The following FBXL4 variants were observed in gnomAD, a reference collection of about 807,000 sequenced individuals.
FBXL4 encodes the protein F-box/LRR-repeat protein 4.
In FBXL4, 40 loss-of-function variants were observed where a neutral mutation model predicts 58.9. The ratio of observed to expected loss-of-function variants is 0.68; its 90% CI spans 0.53 to 0.88. The LOEUF (loss-of-function observed/expected upper bound fraction) is 0.88, where lower values mean the gene tolerates loss of function less well. FBXL4 is among the 40% of genes least tolerant of loss of function. The pLI is 0.00. For synonymous variants in FBXL4, 263 were observed against 265.5 expected (o/e 0.99, Z 0.09); for missense variants, 676 against 734.4 (o/e 0.92, Z 0.92).
intron 7 of FBXL4, among the ~76,000 whole-genome samples, chr6:98,892,091 G>C (rs538444888): frequency 6.6e-6 from 1 of 152,292 alleles, no homozygotes; most frequent in South Asian, 2.1e-4. Flanking sequence ...ATATAGCCTA[G>C]AGACACATAC....
At chr6:98,883,540 G>A (rs557239113) in intron 7 of FBXL4, among the ~76,000 whole-genome samples, 5 of 151,636 alleles carry the variant, frequency 3.3e-5, no homozygotes, top group African/African-American at 1.2e-4. Context: ...TTTAAAATCA[G>A]AGTTTTAGAG....
chr6:98,926,661 C>T lies in FBXL4; in HGVS notation c.328G>A (p.Ala110Thr). The T allele has an allele frequency of 6.2e-7, 1 of 1,614,154 alleles. No individual in the cohort carries two copies. The highest frequency in any genetic ancestry group is 8.5e-7 in the Non-Finnish European group (1 of 1,180,020). Residue 110 changes from alanine to threonine, a missense_variant, in exon 4 of 10, where the codon GCT becomes ACT. Ala to Thr is a moderately conservative substitution (Grantham distance 58). Transcript: ENST00000369244. Reference protein sequence around the residue: ...YGTWWDQCPSASLPFKRTPPN... With the variant: ...YGTWWDQCPSTSLPFKRTPPN... ...GGCGTCCTCTTGAATGGCAAGGAAG[C>T]ACTAGGACACTGATCCCACCATGTC...
intron 5 of FBXL4, among the ~76,000 whole-genome samples, chr6:98,909,116 G>A (rs1035359341): frequency 1.3e-5 from 2 of 152,172 alleles, no homozygotes; most frequent in Admixed American, 1.3e-4. Context: ...TCTAGGGCAT[G>A]TTCTAATTTT....
chr6:98,889,257 C>T (rs892905611), intron 7 of FBXL4, among the ~76,000 whole-genome samples: 10 of 152,160 alleles, frequency 6.6e-5, no homozygotes, highest in African/African-American at 2.4e-4. Flanking sequence ...GGAATTAGTC[C>T]ATAAACACCA....
intron 1 of FBXL4, among the ~76,000 whole-genome samples, chr6:98,946,577 C>G (rs997312301): frequency 2.6e-5 from 4 of 152,140 alleles, no homozygotes; most frequent in Admixed American, 2.0e-4. Flanking sequence ...GTACTATAAT[C>G]GCATTATTTC....
intron 5 of FBXL4, among the ~76,000 whole-genome samples, chr6:98,914,469 C>G (rs1772248431): frequency 1.3e-5 from 2 of 152,170 alleles, no homozygotes; most frequent in African/African-American, 4.8e-5. Context: ...GCTTATCCAC[C>G]ATGATCAAGT....
rs957570101 is a variant in FBXL4 at position 98,927,735 on chromosome 6, G to A, written c.-103C>T. The A allele has an allele frequency of 6.6e-5, 10 of 152,208 alleles. No individual in the cohort carries two copies. The highest frequency in any genetic ancestry group is 1.3e-4 in the Non-Finnish European group (9 of 68,038). 9.4% of individuals were successfully genotyped at this position (152,208 alleles called of 1,614,324 possible). A position where few individuals can be genotyped will look rare whatever the true frequency, so the allele number is the denominator to read the frequency against. ...ATAGAATGGTCACAGGATACACATGGGAAATGCAAAAGTTGGCATTCATCC... is the reference window on the plus strand; with the variant it reads ...ATAGAATGGTCACAGGATACACATGAGAAATGCAAAAGTTGGCATTCATCC... On this transcript the variant is annotated 5_prime_UTR_variant, in exon 3 of 10. Transcript: ENST00000369244.
intron 7 of FBXL4, among the ~76,000 whole-genome samples, chr6:98,889,281 A>G (rs1562221587): frequency 6.6e-6 from 1 of 152,330 alleles, no homozygotes; most frequent in East Asian, 1.9e-4. Context: ...TCCAATGATT[A>G]TAACAGGAGG....
intron 6 of FBXL4, among the ~76,000 whole-genome samples, chr6:98,902,202 A>G (rs1771639829): frequency 6.6e-6 from 1 of 152,164 alleles, no homozygotes; most frequent in African/African-American, 2.4e-5. Context: ...AATATCTATG[A>G]CTTCTAAATT....
At chr6:98,940,795 G>A (rs1355665094) in intron 1 of FBXL4, among the ~76,000 whole-genome samples, 4 of 151,938 alleles carry the variant, frequency 2.6e-5, no homozygotes, top group African/African-American at 4.8e-5. Flanking sequence ...ACATGTCCTA[G>A]CAAACATATT....
intron 7 of FBXL4, among the ~76,000 whole-genome samples, chr6:98,887,480 T>C (rs545167287): frequency 2.9e-4 from 44 of 152,304 alleles, no homozygotes; most frequent in South Asian, 1.9e-3. Context: ...AGAAAACATT[T>C]GTGAAATGGT....
chr6:98,898,386 T>C, intron 7 of FBXL4: 5 of 985,330 alleles, frequency 5.1e-6, no homozygotes, highest in Non-Finnish European at 6.0e-6. Flanking sequence ...CCAACAGCAG[T>C]AATAGTAAGT....
In FBXL4 at chr6:98,927,026, C is replaced by G; in HGVS notation, c.-38G>C. 6.3e-7 allele frequency: 1 copy of G among 1,593,260 alleles called. No homozygotes were observed. The highest frequency in any genetic ancestry group is 8.6e-7 in the Non-Finnish European group (1 of 1,167,918). ...TATGAAGCTTCAAAAGGTCAGGTGT[C>G]CTCAGTAAGATGCATGAACTCTTTG... On this transcript the variant is annotated 5_prime_UTR_variant, in exon 4 of 10. Transcript: ENST00000369244.
chr6:98,889,226 A>G (rs1424760239), intron 7 of FBXL4, among the ~76,000 whole-genome samples: 1 of 152,206 alleles, frequency 6.6e-6, no homozygotes, highest in East Asian at 1.9e-4. Context: ...CTTCCTATAC[A>G]ACTCAGGAAA....
At chr6:98,884,511 C>A (rs1770964826) in intron 7 of FBXL4, among the ~76,000 whole-genome samples, 1 of 152,130 alleles carries the variant, frequency 6.6e-6, no homozygotes, top group Non-Finnish European at 1.5e-5. Flanking sequence ...TCTTTCAACA[C>A]TCTGAAAACA....
intron 1 of FBXL4, among the ~76,000 whole-genome samples, chr6:98,939,408 C>T (rs1773347071): frequency 6.6e-6 from 1 of 152,180 alleles, no homozygotes; most frequent in South Asian, 2.1e-4. Context: ...ACATTAACTT[C>T]ACTTTCTCTC....
intron 7 of FBXL4, among the ~76,000 whole-genome samples, chr6:98,884,334 C>T (rs1358806446): frequency 6.6e-6 from 1 of 152,016 alleles, no homozygotes; most frequent in Non-Finnish European, 1.5e-5. Flanking sequence ...CCGTTATTTA[C>T]CTATCCTATC....
intron 7 of FBXL4, among the ~76,000 whole-genome samples, chr6:98,886,485 A>C (rs1269365655): frequency 1.3e-5 from 2 of 152,204 alleles, no homozygotes; most frequent in Non-Finnish European, 2.9e-5. Context: ...CTAGATTTCC[A>C]ATCAGTTTTT....
intron 7 of FBXL4, among the ~76,000 whole-genome samples, chr6:98,881,089 A>G (rs1447865704): frequency 6.6e-6 from 1 of 152,216 alleles, no homozygotes; most frequent in Non-Finnish European, 1.5e-5. Context: ...GGAACTGCCA[A>G]TAGAGTCACC....
Sources: allele counts gnomAD v4.1 joint callset (sites outside exome capture counted in the v4.1 genomes callset), GRCh38; gene constraint gnomAD v4.1.1; transcripts MANE v1.5; gene names NCBI Gene and HGNC (gene_info 2026-07-23, HGNC 2026-07-21).